ABCC3: variants seen among roughly 807,000 people sequenced by gnomAD.
The protein encoded by ABCC3 is ATP binding cassette subfamily C member 3.
Under a neutral mutation model 165.3 loss-of-function variants are expected in ABCC3, and 121 were observed. The observed-to-expected ratio is 0.73, with a 90% CI of 0.63 to 0.85. The LOEUF is 0.85. ABCC3 is among the 40% of genes least tolerant of loss of function. The probability of loss-of-function intolerance (pLI) is 0.00; values close to 1 mark genes in which losing one functional copy is unlikely to be tolerated. For synonymous variants in ABCC3, 733 were observed against 810.1 expected (o/e 0.90, Z 1.62); for missense variants, 1,869 against 1,964.1 (o/e 0.95, Z 0.92).
intron 1 of ABCC3, among the ~76,000 whole-genome samples, chr17:50,642,880 G>T (rs1482138433): frequency 6.6e-6 from 1 of 152,214 alleles, no homozygotes; most frequent in Non-Finnish European, 1.5e-5. Context: ...GCATCACAAA[G>T]CCTGGGTGCC....
intron 1 of ABCC3, among the ~76,000 whole-genome samples, chr17:50,641,994 G>A (rs1541391): frequency 0.17 from 23,490 of 140,702 alleles, 1,903 homozygotes; most frequent in African/African-American, 0.22. Flanking sequence ...TTACAGTGGG[G>A]AAAAAAAAAA....
chr17:50,645,024 A>G lies in ABCC3; in HGVS notation c.45+10043A>G, dbSNP rs535448514. On this transcript the variant is annotated intron_variant, in intron 1 of 30. Coordinates refer to ENST00000285238, the MANE Select transcript of ABCC3 (RefSeq NM_003786.4). ...CAGAGCGAGACTCCGTCTCAAAAAC[A>G]AGCAAACAAAAAAACAGAAAACAAA... 2.6e-5 allele frequency among the ~76,000 whole-genome samples: 4 copies of G among 151,698 alleles called. No individual in the cohort carries two copies. The East Asian group carries it at 7.8e-4, about 30-fold the overall frequency.
At chr17:50,652,311 T>C (rs907486752) in intron 1 of ABCC3, among the ~76,000 whole-genome samples, 12 of 152,244 alleles carry the variant, frequency 7.9e-5, no homozygotes, top group African/African-American at 2.9e-4. Flanking sequence ...AAAGACTATC[T>C]GGATCCAAAT....
chr17:50,670,143 G>A (rs935479571), intron 17 of ABCC3, among the ~76,000 whole-genome samples: 2 of 151,576 alleles, frequency 1.3e-5, no homozygotes, highest in Non-Finnish European at 1.5e-5. Flanking sequence ...GTGCAGTGGC[G>A]CAGATCATGG....
Position 50,678,222 on chromosome 17 carries a change from A to G in ABCC3, c.3705+3A>G. The G allele has an allele frequency of 6.6e-7, 1 of 1,521,436 alleles. No individual in the cohort carries two copies. Among genetic ancestry groups the G allele is most frequent in the Non-Finnish European group, 8.8e-7 (1 of 1,137,000 alleles). The allele number at this position is 1,521,436 out of a possible 1,614,324, so 94.2% of individuals were successfully genotyped here. The stretch of plus-strand genomic sequence containing the variant: ...TTTCTGTGTCCTACTCCTTGCAGGT[A>G]TGAAGGGCCTGGACCCCAGGGCAGG... On this transcript the variant is annotated splice_donor_region_variant and intron_variant, in intron 25 of 30. Transcript: ENST00000285238.
intron 30 of ABCC3, 64 bp downstream of exon 30, chr17:50,687,794 C>A: frequency 6.6e-7 from 1 of 1,513,250 alleles, no homozygotes; most frequent in Non-Finnish European, 9.1e-7. Flanking sequence ...CAGGAATGGG[C>A]AGGGCAGATT....
intron 15 of ABCC3, 103 bp from the exon 16 acceptor site, chr17:50,669,037 G>T (rs1474075825): frequency 1.1e-5 from 17 of 1,593,590 alleles, no homozygotes; most frequent in East Asian, 6.7e-5. Context: ...GCCTGCCAGG[G>T]GGGTGTCTGG....
chr17:50,640,245 A>G (rs1276224730), intron 1 of ABCC3, among the ~76,000 whole-genome samples: 1 of 152,226 alleles, frequency 6.6e-6, no homozygotes, highest in African/African-American at 2.4e-5. Context: ...CTCTATCCCC[A>G]GGGTGGGACA....
At chr17:50,678,267 C>G (rs756442281) in intron 25 of ABCC3, 48 bp downstream of exon 25, 3 of 1,505,820 alleles carry the variant, frequency 2.0e-6, no homozygotes, top group Non-Finnish European at 2.7e-6. Flanking sequence ...GGGACAGAAA[C>G]CACACAGGTG....
rs376507892 is a variant in ABCC3 at position 50,679,919 on chromosome 17, C to T, written c.3807+20C>T. On this transcript the variant is annotated intron_variant, in intron 26 of 30. Coordinates refer to ENST00000285238, the MANE Select transcript of ABCC3 (RefSeq NM_003786.4). The stretch of plus-strand genomic sequence containing the variant: ...ACAGAGGTGGGTACTGGCATGAGCC[C>T]GGGACAGGGGGAATCTGAAGTAGCT... 68 of 1,597,924 alleles carry T rather than the reference C, an allele frequency of 4.3e-5. No individual in the cohort carries two copies. Among genetic ancestry groups the T allele is most frequent in the Non-Finnish European group, 5.1e-5 (60 of 1,165,836 alleles).
intron 19 of ABCC3, 45 bp from the exon 20 acceptor site, chr17:50,675,317 G>A (rs1967774991): frequency 7.0e-7 from 1 of 1,434,624 alleles, no homozygotes; most frequent in East Asian, 2.3e-5. Flanking sequence ...GGGCTTGCAG[G>A]GAGAACTAGC....
At chr17:50,635,796 T>C (rs1347414418) in intron 1 of ABCC3, 2 of 582,810 alleles carry the variant, frequency 3.4e-6, no homozygotes, top group African/African-American at 1.9e-5. Flanking sequence ...GGTGGGAGGA[T>C]CACTTCAGCC....
At chr17:50,638,617 A>G (rs144328841) in intron 1 of ABCC3, among the ~76,000 whole-genome samples, 25 of 152,282 alleles carry the variant, frequency 1.6e-4, no homozygotes, top group African/African-American at 5.3e-4. Context: ...TCCCTGCTCT[A>G]CATACGGAAT....
chr17:50,686,124 G>A (rs1183742518), intron 29 of ABCC3, among the ~76,000 whole-genome samples: 3 of 151,642 alleles, frequency 2.0e-5, no homozygotes, highest in Non-Finnish European at 4.4e-5. Context: ...AACCCTGGAG[G>A]CGGAGGTTGC....
At chr17:50,669,107 C>G (rs1240006876) in intron 15 of ABCC3, 33 bp from the exon 16 acceptor site, 1 of 1,588,946 alleles carries the variant, frequency 6.3e-7, no homozygotes, top group East Asian at 2.2e-5. Context: ...TGATCCCTGC[C>G]TCTAACTGGA....
chr17:50,685,001 T>A (rs1292886172), intron 29 of ABCC3, 126 bp downstream of exon 29: 3 of 1,071,538 alleles, frequency 2.8e-6, no homozygotes, highest in East Asian at 5.2e-5. Context: ...GGCTGTCCTT[T>A]CGTATTGAGC....
chr17:50,672,871 A>G (rs1967677108), intron 17 of ABCC3, 100 bp from the exon 18 acceptor site: 12 of 209,332 alleles, frequency 5.7e-5, no homozygotes, highest in Non-Finnish European at 9.0e-5. Flanking sequence ...CCATCTCAGG[A>G]AAAAAAAAAA....
At chr17:50,653,198 TAGTC>T (rs527399956) in intron 1 of ABCC3, among the ~76,000 whole-genome samples, 137 of 149,420 alleles carry the variant, frequency 9.2e-4, no homozygotes, top group African/African-American at 2.7e-3. Flanking sequence ...ATACAAAAAT[TAGTC>T]AGGCATGGTG....
At position 50,673,470 on chromosome 17, in the gene ABCC3, C is replaced by T. The variant is rs200429903; in HGVS notation, c.2411C>T (p.Thr804Met). 9.3e-6 allele frequency: 15 copies of T among 1,613,746 alleles called. No individual in the cohort carries two copies. Among genetic ancestry groups the T allele is most frequent in the Non-Finnish European group, 1.3e-5 (15 of 1,179,792 alleles). The change falls in exon 19 of 31, where the codon ACG becomes ATG. Residue 804 changes from threonine to methionine, a missense_variant and splice_region_variant. Thr to Met is a moderately conservative substitution (Grantham distance 81). Transcript: ENST00000285238. ...IGPEGVLAGKTRVLVTHGISF... is the reference protein window; with the variant it reads ...IGPEGVLAGKMRVLVTHGISF... Reference sequence around the variant, plus strand: ...GAGAGCCTGCTGCCTTCTCCCCAGACGCGAGTGCTGGTGACGCACGGCATT... The same window carrying T: ...GAGAGCCTGCTGCCTTCTCCCCAGATGCGAGTGCTGGTGACGCACGGCATT...
Sources: allele counts gnomAD v4.1 joint callset (sites outside exome capture counted in the v4.1 genomes callset), GRCh38; gene constraint gnomAD v4.1.1; transcripts MANE v1.5; gene names NCBI Gene and HGNC (gene_info 2026-07-23, HGNC 2026-07-21).